JMJD1C: variants seen among roughly 807,000 people sequenced by gnomAD.
The protein encoded by JMJD1C is jumonji domain-containing protein 1C.
Under a neutral mutation model 245.3 loss-of-function variants are expected in JMJD1C, and 31 were observed. The observed-to-expected ratio is 0.13, with a 90% CI of 0.09 to 0.17. The LOEUF (loss-of-function observed/expected upper bound fraction) is 0.17. Among genes scored for constraint, JMJD1C ranks in the 10% least tolerant of loss-of-function variants. The probability of loss-of-function intolerance (pLI) is 1.00; values close to 1 mark genes in which losing one functional copy is unlikely to be tolerated. For synonymous variants in JMJD1C, 1,057 were observed against 1,017.4 expected, an observed-to-expected ratio of 1.04 and a Z score of -0.74; for missense variants, 2,691 against 3,000.2, an observed-to-expected ratio of 0.90 and a Z score of 2.41.
intron 1 of JMJD1C, among the ~76,000 whole-genome samples, chr10:63,444,432 C>A (rs1400256623): frequency 6.6e-6 from 1 of 151,912 alleles, no homozygotes; most frequent in Non-Finnish European, 1.5e-5. Context: ...TGCCACCACA[C>A]CCATCTAATT....
At chr10:63,338,640 A>ATTTTTTTTTTTTTTT (rs34238197) in intron 2 of JMJD1C, among the ~76,000 whole-genome samples, 1 of 95,126 alleles carries the variant, frequency 1.1e-5, no homozygotes, top group African/African-American at 4.2e-5. Flanking sequence ...TGCTCCTTAG[A>ATTTTTTTTTTTTTTT]TTTTTTTTTT....
At chr10:63,272,356 A>T (rs1317788956) in intron 2 of JMJD1C, among the ~76,000 whole-genome samples, 1 of 151,354 alleles carries the variant, frequency 6.6e-6, no homozygotes, top group African/African-American at 2.4e-5. Context: ...GGTTCAAGCA[A>T]TTCTCCTGCC....
chr10:63,229,821 A>G (rs1304889460), intron 3 of JMJD1C, among the ~76,000 whole-genome samples: 4 of 152,182 alleles, frequency 2.6e-5, no homozygotes, highest in African/African-American at 9.6e-5. Context: ...TTCGAGTTTT[A>G]TTTTTATTTA....
At chr10:63,229,876 A>C (rs976447991) in intron 3 of JMJD1C, among the ~76,000 whole-genome samples, 1 of 152,222 alleles carries the variant, frequency 6.6e-6, no homozygotes, top group African/African-American at 2.4e-5. Flanking sequence ...ACACTGATCT[A>C]AAGAAAGCAA....
chr10:63,307,432 T>TG (rs1212015773), intron 2 of JMJD1C, among the ~76,000 whole-genome samples: 1 of 152,310 alleles, frequency 6.6e-6, no homozygotes, highest in Non-Finnish European at 1.5e-5. Flanking sequence ...TTCAGTACCT[T>TG]GTGAAACCTA....
rs754328604 is a variant in JMJD1C at position 63,214,773 on chromosome 10, G to A, written c.1394C>T (p.Ser465Leu). The change falls in exon 8 of 26, where the codon TCA becomes TTA. Residue 465 changes from serine to leucine, a missense_variant. This residue lies in a region of JMJD1C where 1,562 missense variants were observed against 1,490.7 expected (regional missense o/e 1.05). Coordinates refer to ENST00000399262, the MANE Select transcript of JMJD1C (RefSeq NM_032776.3). The part of the protein sequence containing the change: ...QLQEDMIIHS[S>L]EQSTVSDHNS... ...ATGATCAGAAACTGTGGACTGTTCTGACGAATGAATAATCATATCTTCTTG... is the reference window on the plus strand; with the variant it reads ...ATGATCAGAAACTGTGGACTGTTCTAACGAATGAATAATCATATCTTCTTG... The A allele has an allele frequency of 4.3e-6, 7 of 1,613,660 alleles. No homozygotes were observed. In the Admixed American group the frequency reaches 6.7e-5, roughly 15 times the overall value.
Position 63,189,148 on chromosome 10 carries a change from T to G in JMJD1C, c.6570+20A>C. On this transcript the variant is annotated intron_variant, in intron 18 of 25. Transcript: ENST00000399262. ...CTTCAGTTCCACCAAGAGTGTTCTT[T>G]ATCAGCCTAAAATACACACCTGTCC... 1 of 1,574,638 alleles carries G rather than the reference T, an allele frequency of 6.4e-7. No individual in the cohort carries two copies. Among genetic ancestry groups the G allele is most frequent in the Non-Finnish European group, 8.6e-7 (1 of 1,162,720 alleles).
intron 2 of JMJD1C, among the ~76,000 whole-genome samples, chr10:63,321,216 TA>T (rs1463718111): frequency 6.6e-6 from 1 of 152,216 alleles, no homozygotes; most frequent in African/African-American, 2.4e-5. Flanking sequence ...TTCTTTGTAA[TA>T]AATCGGTAAA....
At chr10:63,356,625 T>G (rs184881458) in intron 2 of JMJD1C, among the ~76,000 whole-genome samples, 8 of 152,322 alleles carry the variant, frequency 5.3e-5, no homozygotes, top group Admixed American at 5.2e-4. Context: ...AAAATTGCAT[T>G]TCATTCACAA....
intron 1 of JMJD1C, among the ~76,000 whole-genome samples, chr10:63,399,027 C>T (rs1296855303): frequency 6.6e-6 from 1 of 152,076 alleles, no homozygotes; most frequent in African/African-American, 2.4e-5. Context: ...AGAATAAATC[C>T]TTGATTTTTA....
intron 8 of JMJD1C, among the ~76,000 whole-genome samples, chr10:63,210,592 G>A (rs1418318765): frequency 6.6e-6 from 1 of 152,126 alleles, no homozygotes; most frequent in Non-Finnish European, 1.5e-5. Context: ...GAGTTTGGAT[G>A]TTAAGGAAAA....
At position 63,171,249 on chromosome 10, in the gene JMJD1C, C is replaced by T. The variant is rs1296971117; in HGVS notation, c.7402-2683G>A. Reference sequence around the variant, plus strand: ...AAACCTCAGAATACTACAGCTGAGACAAAAATCCTGGAGGTCAGGGTCATT... The same window carrying T: ...AAACCTCAGAATACTACAGCTGAGATAAAAATCCTGGAGGTCAGGGTCATT... On this transcript the variant is annotated intron_variant, in intron 24 of 25. Transcript: ENST00000399262. Among the ~76,000 whole-genome samples the T allele has an allele frequency of 3.4e-5, 5 of 149,034 alleles. No homozygotes were observed. In the East Asian group the frequency reaches 9.8e-4, roughly 29 times the overall value.
intron 1 of JMJD1C, chr10:63,521,483 C>A: frequency 8.5e-7 from 1 of 1,174,382 alleles, no homozygotes; most frequent in South Asian, 2.5e-5. Flanking sequence ...CTGCCGTTGG[C>A]GGCCTGGTCC....
intron 3 of JMJD1C, among the ~76,000 whole-genome samples, chr10:63,243,850 G>A (rs1265630265): frequency 2.6e-5 from 4 of 152,092 alleles, no homozygotes; most frequent in Admixed American, 2.0e-4. Context: ...AAGAGAATTG[G>A]ACTTTCTATT....
intron 2 of JMJD1C, among the ~76,000 whole-genome samples, chr10:63,337,624 A>AAAAGAAAAGAAAAGAAAAGAAAAG (rs139374030): frequency 6.6e-5 from 4 of 60,194 alleles, no homozygotes; most frequent in African/African-American, 2.2e-4. Flanking sequence ...AAAAGAAAAG[A>AAAAGAAAAGAAAAGAAAAGAAAAG]AAAAGAAAAG....
At position 63,496,346 on chromosome 10, in the gene JMJD1C, G is replaced by C. The variant is rs546735202; in HGVS notation, n.113+25392C>G. 3.9e-5 allele frequency among the ~76,000 whole-genome samples: 6 copies of C among 151,922 alleles called. No individual in the cohort carries two copies. In the South Asian group the frequency reaches 6.2e-4, roughly 16 times the overall value. On this transcript the variant is annotated intron_variant and non_coding_transcript_variant, in intron 1 of 3. Coordinates refer to the JMJD1C transcript ENST00000633035. Reference sequence around the variant, plus strand: ...GCAGACTTTATTTTGATCTCAACTTGAACTATTTTTAAAAAGAGAAAAAAA... The same window carrying C: ...GCAGACTTTATTTTGATCTCAACTTCAACTATTTTTAAAAAGAGAAAAAAA...
At chr10:63,213,184 CAAAA>C (rs1353771228) in intron 8 of JMJD1C, among the ~76,000 whole-genome samples, 1 of 55,942 alleles carries the variant, frequency 1.8e-5, no homozygotes, top group Non-Finnish European at 3.8e-5. Context: ...GACTCCATCT[CAAAA>C]AAAAAAAAAA....
At chr10:63,301,545 AAACT>A (rs1418892657) in intron 2 of JMJD1C, among the ~76,000 whole-genome samples, 2 of 152,240 alleles carry the variant, frequency 1.3e-5, no homozygotes, top group Non-Finnish European at 2.9e-5. Context: ...CATTCTCAGC[AAACT>A]AACACAGGAA....
chr10:63,471,711 C>T (rs1295545467), intron 1 of JMJD1C, among the ~76,000 whole-genome samples: 1 of 152,152 alleles, frequency 6.6e-6, no homozygotes, highest in Non-Finnish European at 1.5e-5. Flanking sequence ...CTTCTTTCCT[C>T]TGCTTTCCAA....
Sources: allele counts gnomAD v4.1 joint callset (sites outside exome capture counted in the v4.1 genomes callset), GRCh38; gene constraint gnomAD v4.1.1; regional missense constraint gnomAD v4.1.1; transcripts MANE v1.5; gene names NCBI Gene and HGNC (gene_info 2026-07-23, HGNC 2026-07-21).